AASDH: variants seen among roughly 807,000 people sequenced by gnomAD.
The protein encoded by AASDH is beta-alanine-activating enzyme.
In AASDH, 81 loss-of-function variants were observed where a neutral mutation model predicts 102.3. The ratio of observed to expected loss-of-function variants is 0.79; its 90% confidence interval spans 0.66 to 0.95. The LOEUF is 0.95. AASDH is among the 40% of genes least tolerant of loss of function. The pLI is 0.00. For missense variants in AASDH, 1,203 were observed against 1,266.2 expected (o/e 0.95, Z 0.76); for synonymous variants, 398 against 454.0 (o/e 0.88, Z 1.57).
At chr4:56,367,968 A>C (rs200007597) in intron 5 of AASDH, among the ~76,000 whole-genome samples, 2 of 151,404 alleles carry the variant, frequency 1.3e-5, no homozygotes. Context: ...CAACCTACTC[A>C]TCTGACAAAG....
intron 5 of AASDH, among the ~76,000 whole-genome samples, chr4:56,362,866 C>T (rs1437075294): frequency 6.6e-6 from 1 of 152,098 alleles, no homozygotes; most frequent in Non-Finnish European, 1.5e-5. Context: ...GTTCATCTCA[C>T]TGGGGAGTGC....
intron 5 of AASDH, chr4:56,356,174 G>A (rs552104454): frequency 6.0e-5 from 43 of 711,842 alleles, no homozygotes; most frequent in South Asian, 5.2e-4. Context: ...GGTGGCTCTG[G>A]CCCCTGCTGT....
At chr4:56,349,219 G>T in intron 11 of AASDH, 44 bp downstream of exon 11, 1 of 1,579,988 alleles carries the variant, frequency 6.3e-7, no homozygotes, top group South Asian at 1.1e-5. Flanking sequence ...ATTATTGTAT[G>T]GTAATTCAAT....
At chr4:56,344,062 T>G (rs550183896) in intron 12 of AASDH, among the ~76,000 whole-genome samples, 1 of 152,292 alleles carries the variant, frequency 6.6e-6, no homozygotes, top group Admixed American at 6.5e-5. Context: ...ATCCATAATA[T>G]CCCATATGAA....
At position 56,342,820 on chromosome 4, in the gene AASDH, T is replaced by G. The variant is rs1210472406; in HGVS notation, c.2907+15A>C. 1 of 1,274,302 alleles carries G rather than the reference T, an allele frequency of 7.8e-7. No homozygotes were observed. The highest frequency in any genetic ancestry group is 1.0e-6 in the Non-Finnish European group (1 of 991,158). 78.9% of individuals were successfully genotyped at this position (1,274,302 alleles called of 1,614,324 possible). ...ATATAAAAATGTATATATAAAAAATTTCTAGTTCTATTACCTGTTCTCCAA... is the reference window on the plus strand; with the variant it reads ...ATATAAAAATGTATATATAAAAAATGTCTAGTTCTATTACCTGTTCTCCAA... On this transcript the variant is annotated intron_variant, in intron 14 of 14. Transcript: ENST00000205214.
chr4:56,384,428 T>C, intron 1 of AASDH, 87 bp from the exon 2 acceptor site: 1 of 620,568 alleles, frequency 1.6e-6, no homozygotes, highest in Non-Finnish European at 2.8e-6. Context: ...CAATAATATC[T>C]CACAAAAATA....
chr4:56,355,443 A>T lies in AASDH; in HGVS notation c.862-20T>A, dbSNP rs763099485. ...TGTTGCCTGTAGATACATTAAAAATAATTTATTTATTTTCCTTCACTTCTT... is the reference window on the plus strand; with the variant it reads ...TGTTGCCTGTAGATACATTAAAAATTATTTATTTATTTTCCTTCACTTCTT... On this transcript the variant is annotated intron_variant, in intron 5 of 14. Transcript: ENST00000205214. 2 of 1,593,718 alleles carry T rather than the reference A, an allele frequency of 1.3e-6. No individual in the cohort carries two copies. The highest frequency in any genetic ancestry group is 2.2e-5 in the East Asian group (1 of 44,682).
intron 5 of AASDH, among the ~76,000 whole-genome samples, chr4:56,357,385 C>T (rs1450065228): frequency 1.3e-5 from 2 of 152,076 alleles, no homozygotes; most frequent in Non-Finnish European, 2.9e-5. Flanking sequence ...ATGAGGTTCC[C>T]ACCCTCATGA....
At chr4:56,364,545 G>C (rs887979713) in intron 5 of AASDH, among the ~76,000 whole-genome samples, 1 of 152,236 alleles carries the variant, frequency 6.6e-6, no homozygotes, top group African/African-American at 2.4e-5. Context: ...CAAGCCAGAA[G>C]AGAGTGGGAG....
intron 5 of AASDH, among the ~76,000 whole-genome samples, chr4:56,355,844 T>C (rs1324543233): frequency 6.6e-6 from 1 of 152,034 alleles, no homozygotes; most frequent in Non-Finnish European, 1.5e-5. Flanking sequence ...CTTGGACTCC[T>C]GGGCTCAAGC....
intron 14 of AASDH, among the ~76,000 whole-genome samples, chr4:56,340,270 G>T (rs1747501825): frequency 6.6e-6 from 1 of 152,206 alleles, no homozygotes; most frequent in Admixed American, 6.5e-5. Flanking sequence ...AGGCATCACA[G>T]TAACTGACTT....
At position 56,338,321 on chromosome 4, in the gene AASDH, T is replaced by C; in HGVS notation, c.*81A>G. 7.9e-7 allele frequency: 1 copy of C among 1,266,606 alleles called. No homozygotes were observed. Among genetic ancestry groups the C allele is most frequent in the Non-Finnish European group, 1.1e-6 (1 of 907,322 alleles). The allele number at this position is 1,266,606 out of a possible 1,614,324, so 78.5% of individuals were successfully genotyped here. A position where few individuals can be genotyped will look rare whatever the true frequency, so the allele number is the denominator to read the frequency against. On this transcript the variant is annotated 3_prime_UTR_variant, in exon 15 of 15. Coordinates refer to ENST00000205214, the MANE Select transcript of AASDH (RefSeq NM_181806.4). ...AGCCAAAATATAATCTTCTTTAATATAAAATAAGTCCACATGATGTATAAT... is the reference window on the plus strand; with the variant it reads ...AGCCAAAATATAATCTTCTTTAATACAAAATAAGTCCACATGATGTATAAT...
At chr4:56,358,463 G>A (rs77619274) in intron 5 of AASDH, among the ~76,000 whole-genome samples, 4,603 of 148,910 alleles carry the variant, frequency 0.031, 139 homozygotes, top group Admixed American at 0.077. Flanking sequence ...CAAGTATGGC[G>A]TCATATTACC....
intron 14 of AASDH, 102 bp from the exon 15 acceptor site, chr4:56,338,893 C>T (rs1747258684): frequency 1.7e-6 from 2 of 1,163,020 alleles, no homozygotes; most frequent in Admixed American, 5.1e-5. Flanking sequence ...GAGATATAGG[C>T]TATTTGAATG....
At chr4:56,344,448 T>C (rs1453255177) in intron 12 of AASDH, among the ~76,000 whole-genome samples, 1 of 152,158 alleles carries the variant, frequency 6.6e-6, no homozygotes, top group Non-Finnish European at 1.5e-5. Context: ...GGGTCCTGTG[T>C]ATTTATGTCC....
chr4:56,375,411 C>G (rs1752226614), intron 4 of AASDH, among the ~76,000 whole-genome samples: 1 of 152,160 alleles, frequency 6.6e-6, no homozygotes, highest in African/African-American at 2.4e-5. Flanking sequence ...TTTAAATTGA[C>G]TACTTTAACA....
chr4:56,382,516 A>G lies in AASDH; in HGVS notation c.312T>C (p.Cys104=). ...TTTCAACAAGGATATACTTTAGATT[A>G]CATTTTTTCATAAAATGAGTTGATA... ...PSLSTHFMKK[C]NLKYILVEKK... Residue 104 remains cysteine (C), a synonymous_variant, in exon 3 of 15, where the codon TGT becomes TGC. Transcript: ENST00000205214. 1 of 1,598,406 alleles carries G rather than the reference A, an allele frequency of 6.3e-7. No individual in the cohort carries two copies. The highest frequency in any genetic ancestry group is 8.6e-7 in the Non-Finnish European group (1 of 1,166,826).
Position 56,343,597 on chromosome 4 carries a change from C to T in AASDH, c.2740G>A (p.Ala914Thr). ...GCCAGTAAAAGTCCTCCCAATGTAG[C>T]AAAATACAAATGATGTGGAATCAGG... Reference protein sequence around the residue: ...LNLIPHHLYFATLGGLLLAVN... With the variant: ...LNLIPHHLYFTTLGGLLLAVN... Residue 914 changes from alanine to threonine, a missense_variant, in exon 13 of 15, where the codon GCT (alanine) becomes ACT (threonine). Coordinates refer to ENST00000205214, the MANE Select transcript of AASDH (RefSeq NM_181806.4). 6.2e-7 allele frequency: 1 copy of T among 1,609,814 alleles called. No homozygotes were observed. Among genetic ancestry groups the T allele is most frequent in the Non-Finnish European group, 8.5e-7 (1 of 1,177,640 alleles).
rs773497691 is a variant in AASDH, at chr4:56,355,503, T to C, written c.862-80A>G. ...AAGCACTGTAGTTATTATTTCAAAG[T>C]TAACATTTGGAGCCCACATGGAAAT... On this transcript the variant is annotated intron_variant, in intron 5 of 14. Coordinates refer to ENST00000205214, the MANE Select transcript of AASDH (RefSeq NM_181806.4). 5.6e-5 allele frequency: 76 copies of C among 1,365,208 alleles called. No individual in the cohort carries two copies. The Middle Eastern group carries it at 1.2e-3, about 21-fold the overall frequency. The allele number at this position is 1,365,208 out of a possible 1,614,324, so 84.6% of individuals were successfully genotyped here.
Sources: allele counts gnomAD v4.1 joint callset (sites outside exome capture counted in the v4.1 genomes callset), GRCh38; gene constraint gnomAD v4.1.1; transcripts MANE v1.5; gene names NCBI Gene and HGNC (gene_info 2026-07-23, HGNC 2026-07-21).